Variants in PRKN observed in about 807,000 individuals in gnomAD.
PRKN encodes the protein parkin RBR E3 ubiquitin protein ligase, also known as E3 ubiquitin-protein ligase parkin.
A neutral mutation model predicts 59.5 loss-of-function variants in PRKN; 56 were observed. That is an observed-to-expected ratio of 0.94 (90% CI 0.76 to 1.18). The LOEUF (loss-of-function observed/expected upper bound fraction) is 1.18, where lower values mean the gene tolerates loss of function less well. Ranked by LOEUF, PRKN falls within the 50% of genes most tolerant of loss-of-function variation. PRKN has a pLI of 0.00. For missense variants in PRKN, 657 were observed against 596.4 expected (o/e 1.10, Z -1.06); for synonymous variants, 250 against 222.1 (o/e 1.13, Z -1.12).
At chr6:161,692,473 A>ATT (rs1243136561) in intron 7 of PRKN, among the ~76,000 whole-genome samples, 2 of 152,216 alleles carry the variant, frequency 1.3e-5, no homozygotes, top group African/African-American at 4.8e-5. Context: ...GTAGGCAGTA[A>ATT]TTTAAAGTCT....
chr6:161,857,122 G>A (rs1461718591), intron 6 of PRKN, among the ~76,000 whole-genome samples: 1 of 152,096 alleles, frequency 6.6e-6, no homozygotes, highest in Non-Finnish European at 1.5e-5. Flanking sequence ...CCAGCTACTC[G>A]GGAGGCTGAG....
chr6:162,127,338 T>C (rs1781165491), intron 4 of PRKN, among the ~76,000 whole-genome samples: 1 of 152,208 alleles, frequency 6.6e-6, no homozygotes, highest in Non-Finnish European at 1.5e-5. Flanking sequence ...GCTTTCCAAA[T>C]ATAATGCTTT....
chr6:161,871,128 A>G (rs1583275364), intron 6 of PRKN, among the ~76,000 whole-genome samples: 1 of 152,150 alleles, frequency 6.6e-6, no homozygotes, highest in East Asian at 1.9e-4. Context: ...TAGCAATTTA[A>G]ACGTATAGAG....
chr6:162,715,093 C>A (rs1778673193), intron 1 of PRKN, among the ~76,000 whole-genome samples: 1 of 152,186 alleles, frequency 6.6e-6, no homozygotes, highest in South Asian at 2.1e-4. Context: ...AAAGTCAAGG[C>A]ATATAGTTAC....
At chr6:161,717,103 C>T (rs1390038474) in intron 7 of PRKN, among the ~76,000 whole-genome samples, 1 of 152,132 alleles carries the variant, frequency 6.6e-6, no homozygotes, top group African/African-American at 2.4e-5. Context: ...TGGCAAGAAA[C>T]ACACAGGATG....
At chr6:161,924,169 G>A (rs1235466490) in intron 6 of PRKN, among the ~76,000 whole-genome samples, 5 of 152,100 alleles carry the variant, frequency 3.3e-5, no homozygotes, top group Non-Finnish European at 7.4e-5. Context: ...TTTAGGTCAA[G>A]AGCTAAAGAA....
Position 161,849,645 on chromosome 6 carries a change from C to T in PRKN, c.735-63737G>A, listed in dbSNP as rs528859282. Among the ~76,000 whole-genome samples, 11 of 152,164 alleles carry T rather than the reference C, an allele frequency of 7.2e-5. No homozygotes were observed. In the South Asian group the frequency reaches 1.5e-3, roughly 20 times the overall value. On this transcript the variant is annotated intron_variant, in intron 6 of 11. Transcript: ENST00000366898. Reference sequence around the variant, plus strand: ...GATTTTTCTTTGTAATGAATGTCCTCGCCATGATCACAACCCAAATAAAAA... The same window carrying T: ...GATTTTTCTTTGTAATGAATGTCCTTGCCATGATCACAACCCAAATAAAAA...
chr6:162,341,095 G>A (rs537043676), intron 2 of PRKN, among the ~76,000 whole-genome samples: 6 of 152,082 alleles, frequency 3.9e-5, no homozygotes, highest in Admixed American at 3.9e-4. Flanking sequence ...TCAAAAAGTG[G>A]GCAAAGGATA....
At chr6:161,382,369 G>A (rs930749131) in intron 10 of PRKN, among the ~76,000 whole-genome samples, 1 of 150,638 alleles carries the variant, frequency 6.6e-6, no homozygotes, top group African/African-American at 2.4e-5. Flanking sequence ...CTCAGACACT[G>A]TAGATCTATT....
chr6:161,860,689 T>C (rs1457972521), intron 6 of PRKN, among the ~76,000 whole-genome samples: 4 of 152,198 alleles, frequency 2.6e-5, no homozygotes, highest in African/African-American at 9.7e-5. Flanking sequence ...TCCCATTCTG[T>C]AGGTTGCCTG....
chr6:161,588,582 C>T lies in PRKN; in HGVS notation c.872-19166G>A, dbSNP rs1781602418. ...AAAGTGATGGCAATAAAAGTAAGGG[C>T]AAACTGGGAGGTGGGGCTGGACCTC... On this transcript the variant is annotated intron_variant, in intron 7 of 11. Coordinates refer to ENST00000366898, the MANE Select transcript of PRKN (RefSeq NM_004562.3). This position sits in a 1 kb window ranked among gnomAD's most constrained non-coding sequence, Gnocchi z 5.0. Among the ~76,000 whole-genome samples, 1 of 151,420 alleles carries T rather than the reference C, an allele frequency of 6.6e-6. No individual in the cohort carries two copies. Among genetic ancestry groups the T allele is most frequent in the African/African-American group, 2.4e-5 (1 of 41,190 alleles).
chr6:161,920,873 T>A (rs984667451), intron 6 of PRKN, among the ~76,000 whole-genome samples: 2 of 151,978 alleles, frequency 1.3e-5, no homozygotes, highest in African/African-American at 4.8e-5. Context: ...CCTGATTCAG[T>A]GAGTGAGTGA....
chr6:161,713,958 T>A (rs967252834), intron 7 of PRKN, among the ~76,000 whole-genome samples: 2 of 152,152 alleles, frequency 1.3e-5, no homozygotes, highest in African/African-American at 4.8e-5. Flanking sequence ...CCATGAAAGA[T>A]ATGTCTTTGC....
intron 6 of PRKN, among the ~76,000 whole-genome samples, chr6:161,789,994 G>A (rs1790575566): frequency 6.6e-6 from 1 of 152,140 alleles, no homozygotes; most frequent in South Asian, 2.1e-4. Context: ...CCAGTGAGTG[G>A]ATAAATACCT....
At chr6:162,493,067 T>C (rs1268298891) in intron 1 of PRKN, among the ~76,000 whole-genome samples, 1 of 152,018 alleles carries the variant, frequency 6.6e-6, no homozygotes, top group Admixed American at 6.6e-5. Context: ...AGAAGACATG[T>C]AATCTCTTCT....
intron 3 of PRKN, among the ~76,000 whole-genome samples, chr6:162,214,828 G>T (rs1214987219): frequency 1.3e-5 from 2 of 152,058 alleles, no homozygotes; most frequent in Non-Finnish European, 2.9e-5. Flanking sequence ...ATTTTTACAT[G>T]TGTTCACTTT....
Position 161,544,802 on chromosome 6 carries a change from C to T in PRKN, c.1083+4052G>A, listed in dbSNP as rs1037630686. Among the ~76,000 whole-genome samples, 2 of 152,164 alleles carry T rather than the reference C, an allele frequency of 1.3e-5. No homozygotes were observed. Among genetic ancestry groups the T allele is most frequent in the African/African-American group, 4.8e-5 (2 of 41,444 alleles). On this transcript the variant is annotated intron_variant, in intron 9 of 11. Transcript: ENST00000366898. The surrounding 1 kb of genome is among the most constrained non-coding windows in gnomAD (Gnocchi z 5.5). The stretch of plus-strand genomic sequence containing the variant: ...TTATTAGTTAAGGTACATTGCTCCT[C>T]GGGGAACAGATAAGCCTGTGACACA...
chr6:161,765,420 C>T (rs544540746), intron 7 of PRKN, among the ~76,000 whole-genome samples: 2 of 152,172 alleles, frequency 1.3e-5, no homozygotes, highest in East Asian at 1.9e-4. Flanking sequence ...ATTTTTGGAT[C>T]AGAAGGAAGA....
At chr6:161,681,022 A>T (rs1295923808) in intron 7 of PRKN, among the ~76,000 whole-genome samples, 2 of 151,968 alleles carry the variant, frequency 1.3e-5, no homozygotes, top group African/African-American at 2.4e-5. Context: ...GTGCAGTGGC[A>T]CAGTCTCTGC....
Sources: gnomAD v4.1 joint callset for allele counts (sites outside exome capture counted in the v4.1 genomes callset) on GRCh38, gnomAD v4.1.1 for gene constraint, Gnocchi (gnomAD v3.1) non-coding constraint, MANE v1.5 for transcripts, NCBI Gene and HGNC (gene_info 2026-07-23, HGNC 2026-07-21) for gene names.